ARHGAP26: variants seen among roughly 807,000 people sequenced by gnomAD.
The protein encoded by ARHGAP26 is rho GTPase-activating protein 26.
In ARHGAP26, 38 loss-of-function variants were observed where a neutral mutation model predicts 104.8. The observed-to-expected ratio is 0.36, with a 90% CI of 0.28 to 0.48. The LOEUF is 0.48. Among genes scored for constraint, ARHGAP26 ranks in the 20% least tolerant of loss-of-function variants. The pLI, the probability that ARHGAP26 is intolerant of heterozygous loss-of-function variation, is 0.99. For synonymous variants in ARHGAP26, 341 were observed against 340.0 expected (o/e 1.00, Z -0.03); for missense variants, 704 against 947.9 (o/e 0.74, Z 3.38).
At chr5:142,885,029 A>G (rs1271421810) in intron 4 of ARHGAP26, among the ~76,000 whole-genome samples, 1 of 152,194 alleles carries the variant, frequency 6.6e-6, no homozygotes, top group Non-Finnish European at 1.5e-5. Context: ...CTGTTTCACA[A>G]AGTTCTTAGA....
intron 22 of ARHGAP26, among the ~76,000 whole-genome samples, chr5:143,215,585 C>T (rs771499097): frequency 2.0e-5 from 3 of 152,180 alleles, no homozygotes; most frequent in Non-Finnish European, 1.5e-5. Context: ...TCATCACCCC[C>T]AAAAGAAACC....
chr5:142,981,431 G>C (rs1773925942), intron 11 of ARHGAP26, among the ~76,000 whole-genome samples: 1 of 152,122 alleles, frequency 6.6e-6, no homozygotes, highest in Non-Finnish European at 1.5e-5. Context: ...TAAATGCCCT[G>C]GTGGTCTTTC....
At chr5:143,189,385 AAAG>A (rs1406291635) in intron 20 of ARHGAP26, among the ~76,000 whole-genome samples, 1 of 150,104 alleles carries the variant, frequency 6.7e-6, no homozygotes, top group African/African-American at 2.5e-5. Flanking sequence ...ATGTCACCCA[AAAG>A]AAGTTGCCCT....
intron 11 of ARHGAP26, among the ~76,000 whole-genome samples, chr5:143,011,564 T>C (rs1201672278): frequency 2.0e-5 from 3 of 152,132 alleles, no homozygotes; most frequent in African/African-American, 4.8e-5. Flanking sequence ...TAGGAGGTCT[T>C]CAAACTTTTC....
At chr5:142,831,763 T>C (rs1352565289) in intron 1 of ARHGAP26, among the ~76,000 whole-genome samples, 3 of 152,170 alleles carry the variant, frequency 2.0e-5, no homozygotes, top group Admixed American at 2.0e-4. Context: ...CTTAACACTT[T>C]GCTGCTTTTT....
intron 10 of ARHGAP26, among the ~76,000 whole-genome samples, chr5:142,917,377 G>C (rs1035847722): frequency 6.6e-6 from 1 of 152,142 alleles, no homozygotes; most frequent in South Asian, 2.1e-4. Flanking sequence ...CCAGTGATGA[G>C]CTCAGAGCTG....
rs1401139110 is a variant in ARHGAP26 at position 142,955,310 on chromosome 5, AT to A, written c.1107+23194del. Among the ~76,000 whole-genome samples, 308 of 151,950 alleles carry A rather than the reference AT, an allele frequency of 2.0e-3. 2 individuals are homozygous for A. Among genetic ancestry groups the A allele is most frequent in the African/African-American group, 7.2e-3 (297 of 41,438 alleles). ...AGTGAGACCCTGTCTCAAAAAAAAA[AT>A]TTTTTTTTAAAGCCCCACAAAACAA... On this transcript the variant is annotated intron_variant, in intron 11 of 22. Coordinates refer to ENST00000645722, the MANE Select transcript of ARHGAP26 (RefSeq NM_001135608.3).
chr5:143,212,921 G>A (rs1227136729), intron 21 of ARHGAP26, among the ~76,000 whole-genome samples: 4 of 152,130 alleles, frequency 2.6e-5, no homozygotes, highest in Non-Finnish European at 5.9e-5. Context: ...TGAGGCAGGC[G>A]GATCACGAGG....
intron 11 of ARHGAP26, among the ~76,000 whole-genome samples, chr5:142,989,284 G>T (rs1239082697): frequency 6.6e-6 from 1 of 152,130 alleles, no homozygotes; most frequent in Non-Finnish European, 1.5e-5. Context: ...TTGGTTTAAA[G>T]TCTGTTTTAT....
chr5:142,978,907 T>G (rs1268158918), intron 11 of ARHGAP26, among the ~76,000 whole-genome samples: 2 of 152,184 alleles, frequency 1.3e-5, no homozygotes, highest in African/African-American at 4.8e-5. Flanking sequence ...AAAAAGGAAT[T>G]AAAGCATTGC....
intron 17 of ARHGAP26, among the ~76,000 whole-genome samples, chr5:143,075,035 G>C (rs1011222982): frequency 6.6e-6 from 1 of 152,230 alleles, no homozygotes; most frequent in African/African-American, 2.4e-5. Context: ...GAGGTGGGAA[G>C]AGAAGTGGGT....
chr5:143,210,015 C>A (rs1013239588), intron 21 of ARHGAP26, among the ~76,000 whole-genome samples: 6 of 152,138 alleles, frequency 3.9e-5, no homozygotes, highest in Non-Finnish European at 7.3e-5. Context: ...CTGAGCAAAG[C>A]CTTTATAAGT....
intron 20 of ARHGAP26, among the ~76,000 whole-genome samples, chr5:143,192,000 T>G (rs955954180): frequency 6.6e-6 from 1 of 152,240 alleles, no homozygotes; most frequent in Non-Finnish European, 1.5e-5. Context: ...TACCCTTGGT[T>G]TCTGGTAGAT....
intron 1 of ARHGAP26, among the ~76,000 whole-genome samples, chr5:142,826,471 C>A (rs1459619416): frequency 1.3e-5 from 2 of 152,260 alleles, no homozygotes; most frequent in Non-Finnish European, 2.9e-5. Context: ...CCGGTTCATT[C>A]AATTATTGGA....
intron 17 of ARHGAP26, among the ~76,000 whole-genome samples, chr5:143,067,425 GTCATGCCTATAT>G (rs1392882708): frequency 6.6e-6 from 1 of 152,098 alleles, no homozygotes; most frequent in Non-Finnish European, 1.5e-5. Context: ...TCTAAAGAAG[GTCATGCCTATAT>G]TCAGCTTCAT....
At chr5:142,997,235 T>G (rs1224193938) in intron 11 of ARHGAP26, among the ~76,000 whole-genome samples, 2 of 152,208 alleles carry the variant, frequency 1.3e-5, no homozygotes, top group Non-Finnish European at 2.9e-5. Flanking sequence ...AAAATTTATT[T>G]GTAACCCTAA....
intron 11 of ARHGAP26, among the ~76,000 whole-genome samples, chr5:142,986,310 G>C (rs968729942): frequency 6.6e-5 from 10 of 152,162 alleles, no homozygotes; most frequent in African/African-American, 2.4e-4. Flanking sequence ...GTCTTCTTTT[G>C]AGAAGTGTCT....
chr5:143,124,838 A>G (rs1562470559), intron 18 of ARHGAP26, among the ~76,000 whole-genome samples: 1 of 152,150 alleles, frequency 6.6e-6, no homozygotes, highest in Admixed American at 6.5e-5. Flanking sequence ...CAGGGGATCT[A>G]TGGTACCCAG....
chr5:142,836,978 T>C (rs909915273), intron 1 of ARHGAP26, among the ~76,000 whole-genome samples: 1 of 152,246 alleles, frequency 6.6e-6, no homozygotes, highest in Non-Finnish European at 1.5e-5. Context: ...TCCTGTTTTT[T>C]CCTGGGTGAC....
Sources: allele counts gnomAD v4.1 joint callset (sites outside exome capture counted in the v4.1 genomes callset), GRCh38; gene constraint gnomAD v4.1.1; transcripts MANE v1.5; gene names NCBI Gene and HGNC (gene_info 2026-07-23, HGNC 2026-07-21).